PCDHGB7: variants seen among roughly 807,000 people sequenced by gnomAD.
The protein encoded by PCDHGB7 is protocadherin gamma-B7.
PCDHGB7 carries 37 observed loss-of-function variants against 61.4 expected under a neutral mutation model. The ratio of observed to expected loss-of-function variants is 0.60; its 90% CI spans 0.46 to 0.79. The LOEUF (loss-of-function observed/expected upper bound fraction) is 0.79, where lower values mean the gene tolerates loss of function less well. Among genes scored for constraint, PCDHGB7 ranks in the 30% least tolerant of loss-of-function variants. PCDHGB7 has a pLI of 0.00. For synonymous variants in PCDHGB7, 464 were observed against 503.5 expected (o/e 0.92, Z 1.05); for missense variants, 1,166 against 1,202.5 (o/e 0.97, Z 0.45).
At chr5:141,474,745 C>T (rs935430941) in intron 1 of PCDHGB7, among the ~76,000 whole-genome samples, 2 of 152,174 alleles carry the variant, frequency 1.3e-5, no homozygotes, top group East Asian at 3.9e-4. Context: ...AAGTGATGTC[C>T]AAGACAAATA....
chr5:141,431,582 G>A lies in PCDHGB7; in HGVS notation c.2415+11308G>A. On this transcript the variant is annotated intron_variant, in intron 1 of 3. Coordinates refer to ENST00000398594, the MANE Select transcript of PCDHGB7 (RefSeq NM_018927.4). The surrounding 1 kb of genome is among the most constrained non-coding windows in gnomAD (Gnocchi z 4.8). Reference sequence around the variant, plus strand: ...TACCGACCCTGACGAAGGAGTCAATGCGGAAGTGAGGTATTCCTTCCGGTA... The same window carrying A: ...TACCGACCCTGACGAAGGAGTCAATACGGAAGTGAGGTATTCCTTCCGGTA... The A allele has an allele frequency of 6.2e-7, 1 of 1,614,210 alleles. No homozygotes were observed. Among genetic ancestry groups the A allele is most frequent in the Non-Finnish European group, 8.5e-7 (1 of 1,180,036 alleles).
At chr5:141,510,272 T>TAAAA (rs546154379) in intron 3 of PCDHGB7, among the ~76,000 whole-genome samples, 4 of 130,388 alleles carry the variant, frequency 3.1e-5, no homozygotes, top group Non-Finnish European at 4.9e-5. Context: ...GACTCCATCT[T>TAAAA]AAAAAAAAAA....
Position 141,418,901 on chromosome 5 carries a change from A to G in PCDHGB7, c.1042A>G (p.Ile348Val). 6.2e-7 allele frequency: 1 copy of G among 1,614,016 alleles called. No individual in the cohort carries two copies. Among genetic ancestry groups the G allele is most frequent in the East Asian group, 2.2e-5 (1 of 44,884 alleles). Residue 348 changes from isoleucine to valine, a missense_variant, in exon 1 of 4, where the codon ATC (isoleucine) becomes GTC (valine). Physicochemically the swap from Ile to Val is conservative, Grantham distance 29. Transcript: ENST00000398594. ...VDENDNSPEI[I>V]ITSLSDQIME... is the part of the protein sequence containing the mutation. ...CGAAAACGACAACAGCCCAGAAATA[A>G]TCATCACGTCACTCTCTGATCAGAT...
chr5:141,492,557 G>A (rs2154587614), intron 1 of PCDHGB7, among the ~76,000 whole-genome samples: 1 of 152,350 alleles, frequency 6.6e-6, no homozygotes, highest in East Asian at 1.9e-4. Flanking sequence ...TCGCCTGGGG[G>A]GCGGCCTGAG....
At position 141,432,394 on chromosome 5, in the gene PCDHGB7, C is replaced by G; in HGVS notation, c.2415+12120C>G. 1 of 1,614,260 alleles carries G rather than the reference C, an allele frequency of 6.2e-7. No individual in the cohort carries two copies. The highest frequency in any genetic ancestry group is 8.5e-7 in the Non-Finnish European group (1 of 1,180,050). On this transcript the variant is annotated intron_variant, in intron 1 of 3. Transcript: ENST00000398594. This position sits in a 1 kb window ranked among gnomAD's most constrained non-coding sequence, Gnocchi z 6.0. The stretch of plus-strand genomic sequence containing the variant: ...ACGGGCACCCGCCCCTCAGCAGCAA[C>G]GTGTCGTTGAGCCTGTTCGTGCTGG...
intron 1 of PCDHGB7, chr5:141,478,694 T>G: frequency 1.3e-6 from 2 of 1,550,598 alleles, no homozygotes; most frequent in Non-Finnish European, 1.7e-6. Context: ...TAGATCAAAG[T>G]TAGTGCCTTT....
rs534356534 is a variant in PCDHGB7 at position 141,432,344 on chromosome 5, C to G, written c.2415+12070C>G. ...CGACTACGAGCAGTTCCGAGACTTG[C>G]AAGTGAAAGTGATGGCGCGGGACAA... is the stretch of plus-strand genomic sequence containing the variant. On this transcript the variant is annotated intron_variant, in intron 1 of 3. Coordinates refer to ENST00000398594, the MANE Select transcript of PCDHGB7 (RefSeq NM_018927.4). This position sits in a 1 kb window ranked among gnomAD's most constrained non-coding sequence, Gnocchi z 6.0. 1.9e-5 allele frequency: 30 copies of G among 1,614,238 alleles called. No individual in the cohort carries two copies. In the East Asian group the frequency reaches 2.5e-4, roughly 13 times the overall value.
rs151105903 is a variant in PCDHGB7 at position 141,419,964 on chromosome 5, T to C, written c.2105T>C (p.Leu702Pro). ...LVVALALISV[L>P]FLLAVILAIA... ...GTGGCCTTGGCCTTGATTTCTGTGC[T>C]CTTTCTCCTCGCGGTGATTCTAGCT... Residue 702 changes from leucine to proline, a missense_variant, in exon 1 of 4, where the codon CTC becomes CCC. Leu to Pro is a moderately conservative substitution (Grantham distance 98). Transcript: ENST00000398594. 3.7e-6 allele frequency: 6 copies of C among 1,614,082 alleles called. No individual in the cohort carries two copies. Among genetic ancestry groups the C allele is most frequent in the Non-Finnish European group, 4.2e-6 (5 of 1,179,900 alleles).
chr5:141,503,343 T>C (rs558650835), intron 2 of PCDHGB7, among the ~76,000 whole-genome samples: 87 of 152,106 alleles, frequency 5.7e-4, no homozygotes, highest in South Asian at 1.2e-3. Flanking sequence ...ACGCCTGTAA[T>C]TCCAGCACTT....
At position 141,485,163 on chromosome 5, in the gene PCDHGB7, G is replaced by A. The variant is rs2099608470; in HGVS notation, c.2416-9644G>A. 14 of 1,604,624 alleles carry A rather than the reference G, an allele frequency of 8.7e-6. No individual in the cohort carries two copies. The highest frequency in any genetic ancestry group is 1.1e-5 in the Non-Finnish European group (13 of 1,172,560). ...TCTCAGGAGCAAGTAGAGAATTAGCGGGCGGCAGCAATGCTCCGCAAGGTG... is the reference window on the plus strand; with the variant it reads ...TCTCAGGAGCAAGTAGAGAATTAGCAGGCGGCAGCAATGCTCCGCAAGGTG... On this transcript the variant is annotated intron_variant, in intron 1 of 3. Coordinates refer to ENST00000398594, the MANE Select transcript of PCDHGB7 (RefSeq NM_018927.4). The surrounding 1 kb of genome is among the most constrained non-coding windows in gnomAD (Gnocchi z 5.7).
chr5:141,421,731 C>A (rs73792198), intron 1 of PCDHGB7: 144,261 of 1,613,668 alleles, frequency 0.089, 7,407 homozygotes, highest in African/African-American at 0.18. Flanking sequence ...TGAACTCCCT[C>A]CAGAGCTACC....
In PCDHGB7 at chr5:141,476,336, C is replaced by A; in HGVS notation, c.2416-18471C>A. 18 of 1,614,008 alleles carry A rather than the reference C, an allele frequency of 1.1e-5. No homozygotes were observed. Among genetic ancestry groups the A allele is most frequent in the Non-Finnish European group, 1.5e-5 (18 of 1,180,008 alleles). ...GTTCCGGGTGGTGTCTGGAGCTAGC[C>A]GAAGATTCTTTGAGGTGAACCGGGA... On this transcript the variant is annotated intron_variant, in intron 1 of 3. Coordinates refer to ENST00000398594, the MANE Select transcript of PCDHGB7 (RefSeq NM_018927.4). The surrounding 1 kb of genome is among the most constrained non-coding windows in gnomAD (Gnocchi z 7.6).
chr5:141,511,028 T>C lies in PCDHGB7; in HGVS notation c.2645T>C (p.Leu882Pro). ...GCCCGCTACGGACCCCAGTTCACCC[T>C]GCAGCACGTGCCCGACTACCGCCAG... ...LSARYGPQFTLQHVPDYRQNV... is the reference protein window; with the variant it reads ...LSARYGPQFTPQHVPDYRQNV... The change falls in exon 4 of 4, where the codon CTG becomes CCG. Residue 882 changes from leucine (L) to proline (P), a missense_variant. Leu to Pro is a moderately conservative substitution (Grantham distance 98, BLOSUM62 -3). Transcript: ENST00000398594. 1 of 1,614,202 alleles carries C rather than the reference T, an allele frequency of 6.2e-7. No homozygotes were observed. Among genetic ancestry groups the C allele is most frequent in the Non-Finnish European group, 8.5e-7 (1 of 1,180,028 alleles).
Position 141,491,048 on chromosome 5 carries a change from C to T in PCDHGB7, c.2416-3759C>T, listed in dbSNP as rs755163825. The T allele has an allele frequency of 7.4e-6, 12 of 1,613,948 alleles. No individual in the cohort carries two copies. Among genetic ancestry groups the T allele is most frequent in the South Asian group, 4.4e-5 (4 of 91,090 alleles). ...GTGGATGCTGATGCAGGCCACAATG[C>T]GTGGCTCTCCTACTCACTGTTGCCA... On this transcript the variant is annotated intron_variant, in intron 1 of 3. Coordinates refer to ENST00000398594, the MANE Select transcript of PCDHGB7 (RefSeq NM_018927.4). The surrounding 1 kb of genome is among the most constrained non-coding windows in gnomAD (Gnocchi z 6.9).
At position 141,478,147 on chromosome 5, in the gene PCDHGB7, C is replaced by T. The variant is rs199689679; in HGVS notation, c.2416-16660C>T. On this transcript the variant is annotated intron_variant, in intron 1 of 3. Transcript: ENST00000398594. The stretch of plus-strand genomic sequence containing the variant: ...ACTCTCCTGAAGCCCGAGCCGAGTT[C>T]CCCTCTGGCTCTGCCCCCCGGGAGC... The T allele has an allele frequency of 2.0e-5, 32 of 1,614,076 alleles. 1 individual carries two copies. In the East Asian group the frequency reaches 5.3e-4, roughly 27 times the overall value.
chr5:141,423,597 G>C, intron 1 of PCDHGB7: 1 of 1,613,188 alleles, frequency 6.2e-7, no homozygotes, highest in Non-Finnish European at 8.5e-7. Context: ...AGAAAAGCGA[G>C]CCACTCTTGA....
intron 1 of PCDHGB7, 58 bp from the exon 2 acceptor site, chr5:141,494,749 G>A (rs573811540): frequency 2.9e-5 from 47 of 1,612,698 alleles, no homozygotes; most frequent in Non-Finnish European, 3.6e-5. Flanking sequence ...CTAGGGGCTC[G>A]GGTGACATTC....
chr5:141,476,733 G>C lies in PCDHGB7; in HGVS notation c.2416-18074G>C, dbSNP rs373439335. On this transcript the variant is annotated intron_variant, in intron 1 of 3. Transcript: ENST00000398594. This position sits in a 1 kb window ranked among gnomAD's most constrained non-coding sequence, Gnocchi z 7.6. ...TTGGAGCGCGCCCTGGACCGAGAAC[G>C]GGAGCCTAGTCTCCAGTTAGTGCTG... 6.2e-6 allele frequency: 10 copies of C among 1,614,062 alleles called. No individual in the cohort carries two copies. The highest frequency in any genetic ancestry group is 2.2e-5 in the East Asian group (1 of 44,870).
At chr5:141,453,206 T>G (rs914064627) in intron 1 of PCDHGB7, among the ~76,000 whole-genome samples, 8 of 152,102 alleles carry the variant, frequency 5.3e-5, no homozygotes, top group African/African-American at 1.9e-4. Context: ...CTCAACCTCG[T>G]GCACTTAAGC....
Sources: gnomAD v4.1 joint callset for allele counts (sites outside exome capture counted in the v4.1 genomes callset) on GRCh38, gnomAD v4.1.1 for gene constraint, Gnocchi (gnomAD v3.1) non-coding constraint, MANE v1.5 for transcripts, NCBI Gene and HGNC (gene_info 2026-07-23, HGNC 2026-07-21) for gene names.